Variants in SCAMP3 observed in about 807,000 individuals in gnomAD.
SCAMP3 encodes the protein secretory carrier-associated membrane protein 3.
In SCAMP3, 30 loss-of-function variants were observed where a neutral mutation model predicts 44.1. The observed-to-expected ratio is 0.68, with a 90% CI of 0.51 to 0.92. The LOEUF (loss-of-function observed/expected upper bound fraction) is 0.92, where lower values mean the gene tolerates loss of function less well. Among genes scored for constraint, SCAMP3 ranks in the 40% least tolerant of loss-of-function variants. The pLI, the probability that SCAMP3 is intolerant of heterozygous loss-of-function variation, is 0.00. For synonymous variants in SCAMP3, 168 were observed against 171.1 expected, an observed-to-expected ratio of 0.98 and a Z score of 0.14; for missense variants, 394 against 440.0, an observed-to-expected ratio of 0.90 and a Z score of 0.93.
At position 155,256,596 on chromosome 1, in the gene SCAMP3, T is replaced by C; in HGVS notation, c.897+78A>G. On this transcript the variant is annotated intron_variant, in intron 8 of 8. Coordinates refer to ENST00000302631, the MANE Select transcript of SCAMP3 (RefSeq NM_005698.4). Reference sequence around the variant, plus strand: ...ACCCAGCAGCCTGACCTGTGCCAGTTGCTCCTGAATGTTCCACCCACGCCC... The same window carrying C: ...ACCCAGCAGCCTGACCTGTGCCAGTCGCTCCTGAATGTTCCACCCACGCCC... The C allele has an allele frequency of 2.8e-6, 4 of 1,409,918 alleles. No individual in the cohort carries two copies. In the South Asian group the frequency reaches 4.6e-5, roughly 16 times the overall value. 87.3% of individuals were successfully genotyped at this position (1,409,918 alleles called of 1,614,324 possible). A position where few individuals can be genotyped will look rare whatever the true frequency, so the allele number is the denominator to read the frequency against.
chr1:155,257,257 G>A (rs763656265), intron 7 of SCAMP3, 28 bp downstream of exon 7: 2 of 1,434,350 alleles, frequency 1.4e-6, no homozygotes, highest in Non-Finnish European at 2.0e-6. Context: ...TAGAGGGAAA[G>A]GTGAGGGTGG....
intron 1 of SCAMP3, 63 bp from the exon 2 acceptor site, chr1:155,261,797 C>A: frequency 1.3e-6 from 2 of 1,487,196 alleles, no homozygotes; most frequent in Non-Finnish European, 1.9e-6. Flanking sequence ...TCCCAGGGAC[C>A]ATTCCCAAAC....
chr1:155,256,162 C>A lies in SCAMP3; in HGVS notation c.*111G>T, dbSNP rs899392357. ...GCAGTCATGGCCATAGGATTGGGAG[C>A]ACTACGGAGGAGCCATCAGTTAGTG... On this transcript the variant is annotated 3_prime_UTR_variant, in exon 9 of 9. Coordinates refer to ENST00000302631, the MANE Select transcript of SCAMP3 (RefSeq NM_005698.4). 8.1e-6 allele frequency: 9 copies of A among 1,110,546 alleles called. No individual in the cohort carries two copies. The Admixed American group carries it at 1.0e-4, about 13-fold the overall frequency. 68.8% of individuals were successfully genotyped at this position (1,110,546 alleles called of 1,614,324 possible). A position where few individuals can be genotyped will look rare whatever the true frequency, so the allele number is the denominator to read the frequency against.
At position 155,257,492 on chromosome 1, in the gene SCAMP3, A is replaced by T; in HGVS notation, c.677+6T>A. ...TCCATCACTCTCCCACCACTAACACACTTACCGGAAAGCCTTATACATGGG... is the reference window on the plus strand; with the variant it reads ...TCCATCACTCTCCCACCACTAACACTCTTACCGGAAAGCCTTATACATGGG... On this transcript the variant is annotated splice_donor_region_variant and intron_variant, in intron 6 of 8. Transcript: ENST00000302631. 1 of 1,613,518 alleles carries T rather than the reference A, an allele frequency of 6.2e-7. No homozygotes were observed. The highest frequency in any genetic ancestry group is 1.7e-5 in the Admixed American group (1 of 59,900).
At chr1:155,261,550 T>A in intron 2 of SCAMP3, 107 bp downstream of exon 2, 2 of 973,052 alleles carry the variant, frequency 2.1e-6, no homozygotes, top group Non-Finnish European at 3.3e-6. Context: ...AAGATCACAG[T>A]GCCTCTTCCT....
chr1:155,259,799 C>T (rs780760254), intron 4 of SCAMP3, among the ~76,000 whole-genome samples: 1 of 152,200 alleles, frequency 6.6e-6, no homozygotes, highest in Non-Finnish European at 1.5e-5. Flanking sequence ...TTAACCTTCA[C>T]AACAACCCTG....
chr1:155,259,077 G>T (rs1189823740), intron 4 of SCAMP3, 123 bp from the exon 5 acceptor site: 2 of 841,180 alleles, frequency 2.4e-6, no homozygotes, highest in South Asian at 2.0e-5. Flanking sequence ...TTGAGATAGG[G>T]TCTCTGTTGT....
chr1:155,260,425 T>C lies in SCAMP3; in HGVS notation c.293A>G (p.Glu98Gly). 1.2e-6 allele frequency: 2 copies of C among 1,614,116 alleles called. No individual in the cohort carries two copies. Among genetic ancestry groups the C allele is most frequent in the Non-Finnish European group, 1.7e-6 (2 of 1,180,032 alleles). ...GAGCTCCTCCTGTTTCTTCAGCAGC[T>C]CAGCTGTGGCTGCTGCAGCTGAGGC... The part of the protein sequence containing the change: ...TQASAAAATA[E>G]LLKKQEELNR... Residue 98 changes from glutamate (E) to glycine (G), a missense_variant, in exon 4 of 9, where the codon GAG becomes GGG. Glu to Gly is a moderately conservative substitution (Grantham distance 98). Transcript: ENST00000302631.
intron 5 of SCAMP3, among the ~76,000 whole-genome samples, chr1:155,257,930 C>T (rs1048929862): frequency 3.3e-5 from 5 of 151,356 alleles, no homozygotes; most frequent in East Asian, 1.9e-4. Context: ...CTGCAAGCTC[C>T]GCCTCCCCGG....
rs767379250 is a variant in SCAMP3 at position 155,262,124 on chromosome 1, G to T, written c.28C>A (p.Pro10Thr). The change falls in exon 1 of 9, where the codon CCG becomes ACG. Residue 10 changes from proline (P) to threonine (T), a missense_variant. Transcript: ENST00000302631. MAQSRDGGN[P>T]FAEPSELDNP... ...TCAAGCTCGCTGGGCTCGGCGAACG[G>T]GTTTCCGCCGTCTCTGCTCTGAGCC... 6.2e-7 allele frequency: 1 copy of T among 1,614,052 alleles called. No homozygotes were observed. The highest frequency in any genetic ancestry group is 8.5e-7 in the Non-Finnish European group (1 of 1,180,028).
intron 5 of SCAMP3, 90 bp downstream of exon 5, chr1:155,258,736 G>C: frequency 8.1e-7 from 1 of 1,230,266 alleles, no homozygotes; most frequent in Non-Finnish European, 1.1e-6. Flanking sequence ...GTTCTAAATA[G>C]AGGTGAAGTG....
intron 7 of SCAMP3, 110 bp from the exon 8 acceptor site, chr1:155,256,901 A>G (rs922272814): frequency 5.3e-6 from 4 of 756,018 alleles, no homozygotes; most frequent in Admixed American, 4.4e-5. Context: ...CTCCCTGTCA[A>G]TCGAGCAGCA....
At chr1:155,261,758 A>G in intron 1 of SCAMP3, 24 bp from the exon 2 acceptor site, 2 of 1,611,424 alleles carry the variant, frequency 1.2e-6, no homozygotes, top group Non-Finnish European at 1.7e-6. Context: ...CCCGGGTCTC[A>G]GCTGGCACCC....
At chr1:155,261,605 T>C in intron 2 of SCAMP3, 52 bp downstream of exon 2, 1 of 1,528,012 alleles carries the variant, frequency 6.5e-7, no homozygotes, top group Non-Finnish European at 9.1e-7. Context: ...CTAACTTGTC[T>C]CACTGGCAAA....
rs372529313 is a variant in SCAMP3 at position 155,256,431 on chromosome 1, G to A, written c.898-12C>T. 4.4e-5 allele frequency: 69 copies of A among 1,568,032 alleles called. No homozygotes were observed. The highest frequency in any genetic ancestry group is 5.8e-5 in the Non-Finnish European group (67 of 1,152,006). On this transcript the variant is annotated splice_polypyrimidine_tract_variant and intron_variant, in intron 8 of 8. Coordinates refer to ENST00000302631, the MANE Select transcript of SCAMP3 (RefSeq NM_005698.4). ...TATAAGGAGTGGATCTGCAAGTAGA[G>A]GACAAAGACATTACCGCCCATTCCA...
Position 155,262,300 on chromosome 1 carries a change from A to G in SCAMP3, c.-149T>C. On this transcript the variant is annotated 5_prime_UTR_variant, in exon 1 of 9. Transcript: ENST00000302631. ...TGGTTCCACCGACCGGAAGGGCCACAAGGATCCCCGCAGCAGCCGTGGGTT... is the reference window on the plus strand; with the variant it reads ...TGGTTCCACCGACCGGAAGGGCCACGAGGATCCCCGCAGCAGCCGTGGGTT... 2 of 695,944 alleles carry G rather than the reference A, an allele frequency of 2.9e-6. No individual in the cohort carries two copies. 43.1% of individuals were successfully genotyped at this position (695,944 alleles called of 1,614,324 possible). A position where few individuals can be genotyped will look rare whatever the true frequency, so the allele number is the denominator to read the frequency against.
chr1:155,256,553 G>A (rs1672803127), intron 8 of SCAMP3, 121 bp downstream of exon 8: 5 of 1,359,432 alleles, frequency 3.7e-6, no homozygotes, highest in Non-Finnish European at 5.2e-6. Context: ...CACCCCAGAG[G>A]TCCATTAGCT....
At chr1:155,257,757 T>A in intron 5 of SCAMP3, 100 bp from the exon 6 acceptor site, 1 of 1,193,106 alleles carries the variant, frequency 8.4e-7, no homozygotes, top group Non-Finnish European at 1.2e-6. Flanking sequence ...CATGGCAGAG[T>A]AAGGAAATGA....
At chr1:155,258,982 C>T in intron 4 of SCAMP3, 28 bp from the exon 5 acceptor site, 1 of 1,598,368 alleles carries the variant, frequency 6.3e-7, no homozygotes, top group East Asian at 2.3e-5. Context: ...ACAGGTGGAC[C>T]CCAGAAGTAA....
Sources: gnomAD v4.1 joint callset for allele counts (sites outside exome capture counted in the v4.1 genomes callset) on GRCh38, gnomAD v4.1.1 for gene constraint, MANE v1.5 for transcripts, NCBI Gene and HGNC (gene_info 2026-07-23, HGNC 2026-07-21) for gene names.